Variants in ERICH6 observed in about 807,000 individuals in gnomAD.
ERICH6 encodes glutamate-rich protein 6.
In ERICH6, 71 loss-of-function variants were observed where a neutral mutation model predicts 71.0. The observed-to-expected ratio is 1.00, with a 90% CI of 0.83 to 1.22. The LOEUF is 1.22. ERICH6 is among the 50% of genes most tolerant of loss of function. The probability of loss-of-function intolerance (pLI) is 0.00; values close to 1 mark genes in which losing one functional copy is unlikely to be tolerated. For missense variants in ERICH6, 808 were observed against 797.2 expected (o/e 1.01, Z -0.16); for synonymous variants, 262 against 278.4 (o/e 0.94, Z 0.59).
chr3:150,681,019 A>C (rs570517862), intron 7 of ERICH6, 89 bp from the exon 8 acceptor site: 31 of 1,356,784 alleles, frequency 2.3e-5, no homozygotes, highest in Non-Finnish European at 3.0e-5. Flanking sequence ...TTTGGATAAC[A>C]ATCCATCATA....
chr3:150,686,287 C>G lies in ERICH6; in HGVS notation c.610+11G>C, dbSNP rs373621370. On this transcript the variant is annotated intron_variant, in intron 4 of 13. Coordinates refer to ENST00000295910, the MANE Select transcript of ERICH6 (RefSeq NM_152394.5). ...GCCAGCAAAAGGAGATGATGCCAAACATGTATTTACCTCTTAACTTAGATG... is the reference window on the plus strand; with the variant it reads ...GCCAGCAAAAGGAGATGATGCCAAAGATGTATTTACCTCTTAACTTAGATG... 4 of 1,613,780 alleles carry G rather than the reference C, an allele frequency of 2.5e-6. No homozygotes were observed. Among genetic ancestry groups the G allele is most frequent in the Non-Finnish European group, 3.4e-6 (4 of 1,179,794 alleles).
chr3:150,698,745 A>T, intron 3 of ERICH6, 46 bp downstream of exon 3: 5 of 1,488,870 alleles, frequency 3.4e-6, no homozygotes, highest in Middle Eastern at 1.7e-4. Flanking sequence ...TATTTCCAAC[A>T]TGCAATCCCT....
chr3:150,677,878 AC>A (rs2108054264), intron 10 of ERICH6, among the ~76,000 whole-genome samples: 1 of 152,320 alleles, frequency 6.6e-6, no homozygotes, highest in East Asian at 1.9e-4. Flanking sequence ...GTTAACAAAA[AC>A]CCATGCAAGG....
intron 9 of ERICH6, 28 bp downstream of exon 9, chr3:150,680,440 T>A (rs748892984): frequency 1.2e-6 from 2 of 1,605,238 alleles, no homozygotes; most frequent in Admixed American, 3.3e-5. Context: ...GTACAGCTGG[T>A]CTATAAGATC....
At chr3:150,690,257 C>G (rs945203549) in intron 3 of ERICH6, among the ~76,000 whole-genome samples, 4 of 152,188 alleles carry the variant, frequency 2.6e-5, no homozygotes, top group Non-Finnish European at 5.9e-5. Context: ...GCACACCAGA[C>G]TTTTTCTCTC....
intron 2 of ERICH6, among the ~76,000 whole-genome samples, chr3:150,700,241 ATTTTT>A (rs34624356): frequency 3.3e-4 from 37 of 110,962 alleles, no homozygotes; most frequent in African/African-American, 1.3e-3. Context: ...TGCCCGGCTA[ATTTTT>A]TTTTTTTTTT....
At chr3:150,699,724 A>AAAC (rs1553755357) in intron 2 of ERICH6, among the ~76,000 whole-genome samples, 1 of 65,018 alleles carries the variant, frequency 1.5e-5, no homozygotes, top group Admixed American at 1.8e-4. Context: ...AGATAAAAAC[A>AAAC]AAAAAAAAAA....
intron 10 of ERICH6, among the ~76,000 whole-genome samples, chr3:150,674,795 GC>G (rs1012570779): frequency 6.6e-6 from 1 of 151,622 alleles, no homozygotes; most frequent in Non-Finnish European, 1.5e-5. Context: ...TAGCATTACT[GC>G]CCCCCAACCT....
At chr3:150,660,271 C>G in intron 13 of ERICH6, 116 bp from the exon 14 acceptor site, 2 of 1,159,216 alleles carry the variant, frequency 1.7e-6, no homozygotes, top group Non-Finnish European at 2.4e-6. Context: ...AGGGTCCACT[C>G]TAATTCATCC....
chr3:150,677,594 C>A (rs2108053865), intron 10 of ERICH6, among the ~76,000 whole-genome samples: 1 of 152,000 alleles, frequency 6.6e-6, no homozygotes, highest in African/African-American at 2.4e-5. Context: ...CCCCCAGGCT[C>A]AAGGGATCCT....
chr3:150,660,029 T>C lies in ERICH6; in HGVS notation c.1855A>G (p.Ser619Gly), dbSNP rs538734191. The C allele has an allele frequency of 4.3e-6, 7 of 1,614,162 alleles. 1 individual carries two copies. The South Asian group carries it at 7.7e-5, about 18-fold the overall frequency. The change falls in exon 14 of 14, where the codon AGC (serine) becomes GGC (glycine). Residue 619 changes from serine (S) to glycine (G), a missense_variant. Ser to Gly is a moderately conservative substitution (Grantham distance 56). This residue lies in a region of ERICH6 where 736 missense variants were observed against 712.2 expected (regional missense o/e 1.03). Transcript: ENST00000295910. ...TGCTTTAATTTTTCCCAAACCTGGC[T>C]TGAGGGAAAATTCACACATCCTTCA... ...KLEGCVNFPS[S>G]QVWEKLKQPS...
intron 3 of ERICH6, among the ~76,000 whole-genome samples, chr3:150,694,545 T>C (rs1244220842): frequency 6.6e-6 from 1 of 152,222 alleles, no homozygotes; most frequent in Non-Finnish European, 1.5e-5. Context: ...ACTATTCCCC[T>C]ACCTGCTCGT....
At chr3:150,690,267 C>T (rs1229937343) in intron 3 of ERICH6, among the ~76,000 whole-genome samples, 1 of 152,158 alleles carries the variant, frequency 6.6e-6, no homozygotes, top group Non-Finnish European at 1.5e-5. Context: ...CTTTTTCTCT[C>T]CACACGTTAT....
At chr3:150,677,565 C>T (rs572178529) in intron 10 of ERICH6, among the ~76,000 whole-genome samples, 12 of 151,664 alleles carry the variant, frequency 7.9e-5, no homozygotes, top group Admixed American at 5.3e-4. Context: ...GGCACAATCT[C>T]GGTTCACTGC....
chr3:150,690,576 A>G (rs1269109156), intron 3 of ERICH6, among the ~76,000 whole-genome samples: 1 of 152,222 alleles, frequency 6.6e-6, no homozygotes, highest in African/African-American at 2.4e-5. Flanking sequence ...ATACTTTACC[A>G]GGAAAAAAGA....
intron 1 of ERICH6, among the ~76,000 whole-genome samples, chr3:150,703,213 A>C (rs1361370526): frequency 1.3e-5 from 2 of 151,588 alleles, no homozygotes; most frequent in Admixed American, 6.6e-5. Context: ...CGACAGAGCG[A>C]GACTCTTGTC....
intron 10 of ERICH6, among the ~76,000 whole-genome samples, chr3:150,675,707 GT>G (rs200846169): frequency 5.2e-4 from 76 of 144,768 alleles, no homozygotes; most frequent in East Asian, 5.9e-4. Context: ...ATTGGCCATT[GT>G]TTTTTTTTTT....
chr3:150,697,019 T>C (rs1712680542), intron 3 of ERICH6, among the ~76,000 whole-genome samples: 2 of 152,170 alleles, frequency 1.3e-5, no homozygotes, highest in South Asian at 4.1e-4. Flanking sequence ...TTGGGGAATC[T>C]TTAAATAAAT....
chr3:150,688,321 AAAAAAAGC>A (rs1576558525), intron 3 of ERICH6, among the ~76,000 whole-genome samples: 1 of 152,148 alleles, frequency 6.6e-6, no homozygotes, highest in African/African-American at 2.4e-5. Flanking sequence ...GGAAGAGCTC[AAAAAAAGC>A]AAAAAAGCAA....
Sources: allele counts gnomAD v4.1 joint callset (sites outside exome capture counted in the v4.1 genomes callset), GRCh38; gene constraint gnomAD v4.1.1; regional missense constraint gnomAD v4.1.1; transcripts MANE v1.5; gene names NCBI Gene and HGNC (gene_info 2026-07-23, HGNC 2026-07-21).